The following LRP1B variants were observed in gnomAD, a reference collection of about 807,000 sequenced individuals.
LRP1B encodes low-density lipoprotein receptor-related protein 1B.
A neutral mutation model predicts 556.6 loss-of-function variants in LRP1B; 217 were observed. The ratio of observed to expected loss-of-function variants is 0.39; its 90% CI spans 0.35 to 0.44. LRP1B has a LOEUF of 0.44. LRP1B is among the 20% of genes least tolerant of loss of function. The pLI, the probability that LRP1B is intolerant of heterozygous loss-of-function variation, is 1.00. For synonymous variants in LRP1B, 2,047 were observed against 1,865.8 expected, an observed-to-expected ratio of 1.10 and a Z score of -2.50; for missense variants, 5,053 against 5,620.8, an observed-to-expected ratio of 0.90 and a Z score of 3.23.
At chr2:140,890,904 C>A (rs969054776) in intron 23 of LRP1B, among the ~76,000 whole-genome samples, 2 of 151,996 alleles carry the variant, frequency 1.3e-5, no homozygotes, top group Admixed American at 1.3e-4. Flanking sequence ...TTAATCTTGA[C>A]ATAACTATAT....
chr2:141,110,461 G>A (rs759747086), intron 7 of LRP1B, among the ~76,000 whole-genome samples: 43 of 152,188 alleles, frequency 2.8e-4, no homozygotes, highest in Non-Finnish European at 5.4e-4. Context: ...GCTCATATGC[G>A]TATGAGGTCT....
intron 43 of LRP1B, among the ~76,000 whole-genome samples, chr2:140,556,002 T>C (rs1479221372): frequency 1.3e-5 from 2 of 152,104 alleles, no homozygotes; most frequent in African/African-American, 2.4e-5. Context: ...CTGCAGCTGT[T>C]ACAAGTAGAT....
At chr2:142,002,889 C>A (rs979946402) in intron 1 of LRP1B, among the ~76,000 whole-genome samples, 5 of 152,180 alleles carry the variant, frequency 3.3e-5, no homozygotes, top group Admixed American at 2.0e-4. Flanking sequence ...TTGAATTTAT[C>A]TTGACACTTA....
chr2:141,710,116 T>C (rs746983760), intron 2 of LRP1B, among the ~76,000 whole-genome samples: 7 of 152,206 alleles, frequency 4.6e-5, no homozygotes, highest in Non-Finnish European at 1.0e-4. Context: ...CTTCAACATA[T>C]GAATTTTAGG....
intron 1 of LRP1B, among the ~76,000 whole-genome samples, chr2:141,840,288 G>C: frequency 7.3e-6 from 1 of 136,408 alleles, no homozygotes; most frequent in African/African-American, 2.8e-5. Context: ...TTTTGAGACG[G>C]AATCTCGCTC....
chr2:141,377,841 T>C (rs1402479), intron 3 of LRP1B, among the ~76,000 whole-genome samples: 14,388 of 152,218 alleles, frequency 0.095, 1,176 homozygotes, highest in African/African-American at 0.22. Context: ...TTTTAAAAAA[T>C]GTCTTCATAG....
chr2:141,260,024 G>A (rs148866056), intron 3 of LRP1B, among the ~76,000 whole-genome samples: 5 of 152,142 alleles, frequency 3.3e-5, no homozygotes, highest in South Asian at 2.1e-4. Flanking sequence ...CATTAGAAGC[G>A]TTTTCTCTTT....
chr2:141,348,181 T>C (rs1471871522), intron 3 of LRP1B, among the ~76,000 whole-genome samples: 2 of 152,040 alleles, frequency 1.3e-5, no homozygotes, highest in African/African-American at 4.8e-5. Context: ...CTTTTCCCGT[T>C]GTGTGGGTAA....
intron 1 of LRP1B, among the ~76,000 whole-genome samples, chr2:141,905,765 ATGTGTGTGTGTGTGTGTGTGTGTGTGTG>A (rs56309590): frequency 1.0e-5 from 1 of 100,194 alleles, no homozygotes; most frequent in African/African-American, 3.4e-5. Flanking sequence ...GTTTGAATAG[ATGTGTGTGTGTGTGTGTGTGTGTGTGTG>A]TGTGTGTGTG....
chr2:140,877,447 G>A (rs750011132), intron 25 of LRP1B, among the ~76,000 whole-genome samples: 1 of 152,106 alleles, frequency 6.6e-6, no homozygotes, highest in Non-Finnish European at 1.5e-5. Context: ...AGAGACTCAT[G>A]TTCTTCTAAA....
In LRP1B at chr2:141,794,852, T is replaced by G. The variant is rs528648892; in HGVS notation, c.205+15427A>C. On this transcript the variant is annotated intron_variant, in intron 2 of 90. Transcript: ENST00000389484. ...TGTCAAAAATGTCATCAGATTGTTT[T>G]TAAAGTGTAAGGAACATTGCATTTT... Among the ~76,000 whole-genome samples, 12 of 152,214 alleles carry G rather than the reference T, an allele frequency of 7.9e-5. No individual in the cohort carries two copies. The South Asian group carries it at 1.7e-3, about 21-fold the overall frequency.
chr2:140,742,493 A>T (rs1157087206), intron 35 of LRP1B, among the ~76,000 whole-genome samples: 1 of 152,238 alleles, frequency 6.6e-6, no homozygotes, highest in Non-Finnish European at 1.5e-5. Context: ...TTGCTATTCA[A>T]TAAAACAGAC....
At chr2:141,861,712 C>T (rs114091107) in intron 1 of LRP1B, among the ~76,000 whole-genome samples, 4,703 of 152,182 alleles carry the variant, frequency 0.031, 210 homozygotes, top group African/African-American at 0.096. Flanking sequence ...GGTGGATGAC[C>T]TGAGGTCAGG....
Position 140,903,070 on chromosome 2 carries a change from T to A in LRP1B, c.3616A>T (p.Asn1206Tyr). Residue 1206 changes from asparagine to tyrosine, a missense_variant, in exon 23 of 91, where the codon AAC becomes TAC. Physicochemically the swap from Asn to Tyr is moderately radical, Grantham distance 143. Coordinates refer to ENST00000389484, the MANE Select transcript of LRP1B (RefSeq NM_018557.3). ...VCSCPEGLQLNKDNKTCEIVD... is the reference protein window; with the variant it reads ...VCSCPEGLQLYKDNKTCEIVD... ...ATTTCACATGTTTTATTGTCTTTGT[T>A]GAGTTGAAGTCCTTCAGGGCAGGAA... 6.2e-7 allele frequency: 1 copy of A among 1,613,682 alleles called. No homozygotes were observed. The highest frequency in any genetic ancestry group is 8.5e-7 in the Non-Finnish European group (1 of 1,179,738).
In LRP1B at chr2:141,524,348, ACTATTC is replaced by A. The variant is rs1684624741; in HGVS notation, c.206-43821_206-43816del. 4.6e-5 allele frequency among the ~76,000 whole-genome samples: 7 copies of A among 151,942 alleles called. No homozygotes were observed. The South Asian group carries it at 1.5e-3, about 32-fold the overall frequency. ...GAGCAACTTAGTGGCCTACTTATCA[ACTATTC>A]CTTCTTCTGCTGTTGCAATGGAGTC... On this transcript the variant is annotated intron_variant, in intron 2 of 90. Transcript: ENST00000389484.
intron 27 of LRP1B, among the ~76,000 whole-genome samples, chr2:140,867,186 G>A (rs539547532): frequency 5.3e-5 from 8 of 152,054 alleles, no homozygotes; most frequent in East Asian, 1.9e-4. Context: ...GGTGAAATAC[G>A]GAATACATGG....
chr2:140,448,270 A>T (rs1295502345), intron 63 of LRP1B, among the ~76,000 whole-genome samples: 2 of 152,138 alleles, frequency 1.3e-5, no homozygotes, highest in African/African-American at 4.8e-5. Context: ...TATCCAAAGG[A>T]AATAAAATCA....
chr2:141,964,736 T>G (rs1488366536), intron 1 of LRP1B, among the ~76,000 whole-genome samples: 2 of 151,694 alleles, frequency 1.3e-5, no homozygotes, highest in African/African-American at 4.8e-5. Context: ...AAAGCCAAAA[T>G]TGACAAATGG....
intron 32 of LRP1B, among the ~76,000 whole-genome samples, chr2:140,795,379 C>T (rs1690267557): frequency 6.6e-6 from 1 of 152,096 alleles, no homozygotes; most frequent in Non-Finnish European, 1.5e-5. Context: ...CAATTAAAAA[C>T]CTTAAAGCAT....
Sources: gnomAD v4.1 joint callset for allele counts (sites outside exome capture counted in the v4.1 genomes callset) on GRCh38, gnomAD v4.1.1 for gene constraint, MANE v1.5 for transcripts, NCBI Gene and HGNC (gene_info 2026-07-23, HGNC 2026-07-21) for gene names.